The following CD47 variants were observed in gnomAD, a reference collection of about 807,000 sequenced individuals.
The protein encoded by CD47 is leukocyte surface antigen CD47.
A neutral mutation model predicts 44.6 loss-of-function variants in CD47; 11 were observed. That is an observed-to-expected ratio of 0.25 (90% CI 0.16 to 0.41). The LOEUF is 0.41. Ranked by LOEUF, CD47 falls within the 10% of genes least tolerant of loss-of-function variation. The pLI is 1.00. For synonymous variants in CD47, 140 were observed against 136.3 expected (o/e 1.03, Z -0.19); for missense variants, 306 against 386.7 (o/e 0.79, Z 1.75).
At chr3:108,082,169 T>A (rs1490019356) in intron 1 of CD47, among the ~76,000 whole-genome samples, 5 of 151,972 alleles carry the variant, frequency 3.3e-5, no homozygotes, top group Non-Finnish European at 7.4e-5. Flanking sequence ...CTACTGGGTA[T>A]CCTTTCAGTC....
At chr3:108,048,597 G>A (rs993097038) in intron 10 of CD47, among the ~76,000 whole-genome samples, 1 of 151,900 alleles carries the variant, frequency 6.6e-6, no homozygotes, top group African/African-American at 2.4e-5. Flanking sequence ...TGTTAGCCAG[G>A]ATGGTCTCGA....
intron 2 of CD47, among the ~76,000 whole-genome samples, chr3:108,076,500 G>A (rs1577011226): frequency 6.6e-6 from 1 of 152,122 alleles, no homozygotes; most frequent in African/African-American, 2.4e-5. Flanking sequence ...ACATATTACG[G>A]TGGTAAAAAT....
At chr3:108,050,317 C>T (rs1353059160) in intron 9 of CD47, among the ~76,000 whole-genome samples, 4 of 152,134 alleles carry the variant, frequency 2.6e-5, no homozygotes, top group Admixed American at 2.6e-4. Flanking sequence ...AGGGTTTCAA[C>T]ATGTTGGCCA....
intron 3 of CD47, among the ~76,000 whole-genome samples, chr3:108,066,771 C>T (rs2079111766): frequency 6.6e-6 from 1 of 152,006 alleles, no homozygotes; most frequent in South Asian, 2.1e-4. Flanking sequence ...GTGCGAATGT[C>T]GACATTACTG....
At chr3:108,058,525 A>C (rs753199822) in intron 5 of CD47, 96 bp from the exon 6 acceptor site, 2 of 721,964 alleles carry the variant, frequency 2.8e-6, no homozygotes, top group Non-Finnish European at 4.5e-6. Context: ...ATCTCCTAAG[A>C]CCAAAGACTG....
At position 108,057,504 on chromosome 3, in the gene CD47, G is replaced by A. The variant is rs2108230571; in HGVS notation, c.850C>T (p.Leu284Phe). The A allele has an allele frequency of 1.3e-6, 2 of 1,560,544 alleles. No individual in the cohort carries two copies. Among genetic ancestry groups the A allele is most frequent in the Non-Finnish European group, 1.8e-6 (2 of 1,131,722 alleles). Residue 284 changes from leucine (L) to phenylalanine (F), a missense_variant, in exon 7 of 11, where the codon CTT becomes TTT. By Grantham distance (22) the Leu-to-Phe change is conservative (BLOSUM62 0). Around this residue, in one of 5 missense-constraint regions of CD47, gnomAD observed 131 missense variants for 135.3 expected, o/e 0.97. Transcript: ENST00000361309. Reference protein sequence around the residue: ...GLSILALAQLLGLVYMKFVAS... With the variant: ...GLSILALAQLFGLVYMKFVAS... Reference sequence around the variant, plus strand: ...ACAAATTTCATATAAACTAGTCCAAGTAATTGTGCTAGAGCTAAGATACTC... The same window carrying A: ...ACAAATTTCATATAAACTAGTCCAAATAATTGTGCTAGAGCTAAGATACTC...
intron 7 of CD47, among the ~76,000 whole-genome samples, chr3:108,055,955 T>C (rs529536529): frequency 6.6e-6 from 1 of 152,252 alleles, no homozygotes; most frequent in Admixed American, 6.5e-5. Flanking sequence ...TGGGGTGGCA[T>C]GGGAGTAAAA....
At chr3:108,087,488 C>A (rs551557674) in intron 1 of CD47, among the ~76,000 whole-genome samples, 3 of 152,118 alleles carry the variant, frequency 2.0e-5, no homozygotes, top group Non-Finnish European at 4.4e-5. Flanking sequence ...AACAAGATAT[C>A]CCTACTGTCT....
chr3:108,061,580 T>C (rs1248756956), intron 3 of CD47, among the ~76,000 whole-genome samples: 7 of 152,250 alleles, frequency 4.6e-5, no homozygotes, highest in African/African-American at 1.7e-4. Context: ...ATACATGTTA[T>C]TGTTTCTGCT....
intron 7 of CD47, chr3:108,055,690 A>T: frequency 4.5e-6 from 2 of 442,784 alleles, no homozygotes; most frequent in Non-Finnish European, 8.3e-6. Context: ...TAGTATACTT[A>T]TATGCTAACC....
chr3:108,065,811 C>CAAAAAAAAA (rs58021560), intron 3 of CD47, among the ~76,000 whole-genome samples: 12 of 61,160 alleles, frequency 2.0e-4, no homozygotes, highest in South Asian at 6.0e-4. Flanking sequence ...GACTCCGTCT[C>CAAAAAAAAA]AAAAAAAAAA....
Position 108,080,148 on chromosome 3 carries a change from A to G in CD47, c.243T>C (p.Phe81=), listed in dbSNP as rs1405421057. The G allele has an allele frequency of 5.0e-6, 8 of 1,612,988 alleles. No individual in the cohort carries two copies. The highest frequency in any genetic ancestry group is 4.5e-5 in the East Asian group (2 of 44,882). ...GTGAGACTTCAATTTTTGCACTACT[A>G]AAGTCAGTGGGGACAGTGGACTTGT... is the stretch of plus-strand genomic sequence containing the variant. ...ALNKSTVPTD[F]SSAKIEVSQL... The change falls in exon 2 of 11, where the codon TTT becomes TTC. Residue 81 remains phenylalanine (F), a synonymous_variant. Transcript: ENST00000361309.
chr3:108,048,383 T>G (rs1042486318), intron 10 of CD47, among the ~76,000 whole-genome samples: 12 of 137,162 alleles, frequency 8.7e-5, no homozygotes, highest in South Asian at 2.5e-4. Flanking sequence ...TTTTTTTTTT[T>G]TTTTTTTTTT....
In CD47 at chr3:108,051,965, T is replaced by C. The variant is rs1367503441; in HGVS notation, c.883A>G (p.Asn295Asp). Residue 295 changes from asparagine (N) to aspartate (D), a missense_variant, in exon 8 of 11, where the codon AAT (asparagine) becomes GAT (aspartate). Coordinates refer to ENST00000361309, the MANE Select transcript of CD47 (RefSeq NM_001777.4). ...GLVYMKFVAS[N>D]QKTIQPPRKA... ...CTAGGAGGTTGTATAGTCTTCTGAT[T>C]GGAAGCTGATATAAATAACAAATAA... The C allele has an allele frequency of 3.0e-6, 4 of 1,351,664 alleles. No individual in the cohort carries two copies. The highest frequency in any genetic ancestry group is 3.4e-5 in the Admixed American group (2 of 58,624). The allele number at this position is 1,351,664 out of a possible 1,614,324, so 83.7% of individuals were successfully genotyped here.
chr3:108,090,581 TC>T (rs2079612459), intron 1 of CD47, among the ~76,000 whole-genome samples: 1 of 152,184 alleles, frequency 6.6e-6, no homozygotes, highest in African/African-American at 2.4e-5. Flanking sequence ...TTTGGAGTCT[TC>T]CTGTGTGTGT....
chr3:108,061,159 G>T (rs979696147), intron 3 of CD47, among the ~76,000 whole-genome samples: 6 of 150,248 alleles, frequency 4.0e-5, no homozygotes, highest in Non-Finnish European at 7.4e-5. Flanking sequence ...TAAGTTTTTG[G>T]GGGGAGGGGG....
intron 2 of CD47, among the ~76,000 whole-genome samples, chr3:108,074,739 G>C (rs1002404137): frequency 6.6e-6 from 1 of 151,678 alleles, no homozygotes; most frequent in African/African-American, 2.4e-5. Flanking sequence ...AATGGAGAAG[G>C]GCATCCAGGA....
chr3:108,064,758 TAAGAATAAATCATAAAGA>T (rs1325908102), intron 3 of CD47, among the ~76,000 whole-genome samples: 1 of 152,194 alleles, frequency 6.6e-6, no homozygotes, highest in African/African-American at 2.4e-5. Flanking sequence ...CGTATCAGAC[TAAGAATAAATCATAAAGA>T]AAGATGGGTT....
chr3:108,050,448 T>C, intron 9 of CD47, 130 bp downstream of exon 9: 3 of 629,554 alleles, frequency 4.8e-6, no homozygotes, highest in Non-Finnish European at 8.5e-6. Context: ...AGAGTAGAGA[T>C]GCCAAGGAAA....
Sources: gnomAD v4.1 joint callset for allele counts (sites outside exome capture counted in the v4.1 genomes callset) on GRCh38, gnomAD v4.1.1 for gene constraint, gnomAD v4.1.1 regional missense constraint, MANE v1.5 for transcripts, NCBI Gene and HGNC (gene_info 2026-07-23, HGNC 2026-07-21) for gene names.